NLRP8: variants seen among roughly 807,000 people sequenced by gnomAD.
The protein encoded by NLRP8 is NACHT, LRR and PYD domains-containing protein 8.
In NLRP8, 86 loss-of-function variants were observed where a neutral mutation model predicts 88.7. That is an observed-to-expected ratio of 0.97 (90% CI 0.81 to 1.16). The LOEUF (loss-of-function observed/expected upper bound fraction) is 1.16. NLRP8 is among the 50% of genes most tolerant of loss of function. The probability of loss-of-function intolerance (pLI) is 0.00; values close to 1 mark genes in which losing one functional copy is unlikely to be tolerated. For synonymous variants in NLRP8, 504 were observed against 494.6 expected (o/e 1.02, Z -0.25); for missense variants, 1,342 against 1,286.5 (o/e 1.04, Z -0.66).
chr19:55,960,821 T>A (rs1034540030), intron 3 of NLRP8, among the ~76,000 whole-genome samples: 6 of 152,198 alleles, frequency 3.9e-5, no homozygotes, highest in Middle Eastern at 3.4e-3. Flanking sequence ...GAAGTATTCT[T>A]TGAAAAATAG....
chr19:55,973,440 A>G (rs1162681886), intron 6 of NLRP8, among the ~76,000 whole-genome samples: 1 of 152,128 alleles, frequency 6.6e-6, no homozygotes, highest in Non-Finnish European at 1.5e-5. Context: ...TTTTTAGTCT[A>G]TCAGTTTTAT....
intron 3 of NLRP8, among the ~76,000 whole-genome samples, chr19:55,960,557 A>G (rs1455862185): frequency 6.6e-6 from 1 of 152,164 alleles, no homozygotes; most frequent in Non-Finnish European, 1.5e-5. Context: ...AAGACCTGAC[A>G]TCCGTAGAAA....
chr19:55,983,818 C>CAAAAAAAA (rs56312019), intron 9 of NLRP8, among the ~76,000 whole-genome samples: 5 of 84,654 alleles, frequency 5.9e-5, no homozygotes, highest in East Asian at 3.9e-4. Context: ...CTAGTAGATG[C>CAAAAAAAA]AAAAAAAAAA....
rs1333079029 is a variant in NLRP8, at chr19:55,979,447, T to C, written c.2930T>C (p.Leu977Pro). 6.2e-7 allele frequency: 1 copy of C among 1,614,196 alleles called. No homozygotes were observed. The highest frequency in any genetic ancestry group is 1.3e-5 in the African/African-American group (1 of 75,060). ...TGCTGCCAGGCCATGGCTTCCATGCTCCGCAAAAACCAACATCTGAGACAT... is the reference window on the plus strand; with the variant it reads ...TGCTGCCAGGCCATGGCTTCCATGCCCCGCAAAAACCAACATCTGAGACAT... Residue 977 changes from leucine to proline, a missense_variant, in exon 9 of 10, where the codon CTC becomes CCC. Leu to Pro is a moderately conservative substitution (Grantham distance 98). Transcript: ENST00000291971.
intron 9 of NLRP8, among the ~76,000 whole-genome samples, chr19:55,980,684 G>T (rs371603053): frequency 1.3e-5 from 2 of 152,154 alleles, no homozygotes; most frequent in East Asian, 3.8e-4. Context: ...AGAGGGAGAT[G>T]GTGGCAGAGA....
At position 55,954,568 on chromosome 19, in the gene NLRP8, G is replaced by A. The variant is rs1310688232; in HGVS notation, c.510G>A (p.Trp170Ter). 1.9e-6 allele frequency: 3 copies of A among 1,614,050 alleles called. No homozygotes were observed. The highest frequency in any genetic ancestry group is 2.2e-5 in the South Asian group (2 of 91,088). ...TCCCCATATGGGACATTACGACTTG[G>A]CCTGGAAACCAGAGGGACTTCTTCT... Residue 170 changes from tryptophan (W) to a stop codon, truncating the protein, a stop_gained, in exon 3 of 10, where the codon TGG (tryptophan) becomes TGA (stop). Transcript: ENST00000291971. LOFTEE classifies it high-confidence loss of function.
intron 4 of NLRP8, among the ~76,000 whole-genome samples, chr19:55,962,518 G>C (rs1050896532): frequency 4.6e-5 from 7 of 152,212 alleles, no homozygotes; most frequent in Admixed American, 2.0e-4. Flanking sequence ...TAATAGCTCT[G>C]TGTCCTTAAG....
intron 9 of NLRP8, among the ~76,000 whole-genome samples, 101 bp downstream of exon 10, chr19:55,981,259 A>G (rs1405765917): frequency 1.3e-5 from 2 of 151,898 alleles, no homozygotes; most frequent in African/African-American, 2.4e-5. Flanking sequence ...GAAATTGGGA[A>G]ACAGTTGCCT....
In NLRP8 at chr19:55,988,444, G is replaced by GTGTATATATA. The variant is rs1491285893; in HGVS notation, c.*532_*533insGTATATATAT. The GTGTATATATA allele has an allele frequency of 9.4e-6, 1 of 106,488 alleles. No individual in the cohort carries two copies. The highest frequency in any genetic ancestry group is 1.8e-5 in the Non-Finnish European group (1 of 54,140). The allele number at this position is 106,488 out of a possible 1,614,324, so 6.6% of individuals were successfully genotyped here. A position where few individuals can be genotyped will look rare whatever the true frequency, so the allele number is the denominator to read the frequency against. On this transcript the variant is annotated 3_prime_UTR_variant, in exon 10 of 10. Transcript: ENST00000291971. ...CACATAAATATATATATGTGTGTGTGTATATATATATATATATATATATAT... is the reference window on the plus strand; with the variant it reads ...CACATAAATATATATATGTGTGTGTGTGTATATATATATATATATATATATATATATATAT...
intron 4 of NLRP8, among the ~76,000 whole-genome samples, 157 bp from the exon 5 acceptor site, chr19:55,966,056 C>T (rs1008148830): frequency 2.0e-5 from 3 of 152,144 alleles, no homozygotes; most frequent in Non-Finnish European, 4.4e-5. Flanking sequence ...GTTTGTGTCA[C>T]TCTTTAATGT....
In NLRP8 at chr19:55,951,077, C is replaced by CA. The variant is rs199643504; in HGVS notation, c.368-1453dup. ...TGGGTGACAGAGTGAGACTTAGTCTCAAAAAAAATAAGAATAAAAATAAAA... is the reference window on the plus strand; with the variant it reads ...TGGGTGACAGAGTGAGACTTAGTCTCAAAAAAAAATAAGAATAAAAATAAAA... On this transcript the variant is annotated intron_variant, in intron 1 of 9. Coordinates refer to ENST00000291971, the MANE Select transcript of NLRP8 (RefSeq NM_176811.2). 2.5e-3 allele frequency among the ~76,000 whole-genome samples: 382 copies of CA among 151,306 alleles called. 1 individual carries two copies. Among genetic ancestry groups the CA allele is most frequent in the African/African-American group, 8.7e-3 (357 of 41,260 alleles).
At chr19:55,973,625 A>G (rs781772957) in intron 6 of NLRP8, 27 bp from the exon 7 acceptor site, 5 of 1,564,202 alleles carry the variant, frequency 3.2e-6, no homozygotes, top group Non-Finnish European at 4.3e-6. Flanking sequence ...CTCTCCATTC[A>G]GTCATCTGTG....
intron 7 of NLRP8, 25 bp from the exon 8 acceptor site, chr19:55,976,108 G>T (rs1348692176): frequency 6.4e-7 from 1 of 1,553,764 alleles, no homozygotes; most frequent in Non-Finnish European, 8.7e-7. Flanking sequence ...TGTTGTTGTT[G>T]TTTTTAACCT....
chr19:55,952,381 T>C (rs1979133804), intron 1 of NLRP8, among the ~76,000 whole-genome samples, 157 bp from the exon 2 acceptor site: 2 of 152,196 alleles, frequency 1.3e-5, no homozygotes, highest in Admixed American at 1.3e-4. Context: ...GAGATAGATC[T>C]AGGTGATTTT....
chr19:55,958,998 C>A (rs1310534362), intron 3 of NLRP8, among the ~76,000 whole-genome samples: 1 of 152,026 alleles, frequency 6.6e-6, no homozygotes, highest in African/African-American at 2.4e-5. Context: ...CCTGCCTCAG[C>A]CTCCCGAGTA....
intron 1 of NLRP8, among the ~76,000 whole-genome samples, chr19:55,951,535 T>C (rs1198915496): frequency 1.3e-5 from 2 of 152,242 alleles, no homozygotes; most frequent in Non-Finnish European, 2.9e-5. Flanking sequence ...TACATAGATA[T>C]TAAGCTAGAA....
intron 9 of NLRP8, among the ~76,000 whole-genome samples, chr19:55,982,317 A>G (rs1236630789): frequency 6.6e-6 from 1 of 152,224 alleles, no homozygotes; most frequent in Non-Finnish European, 1.5e-5. Context: ...AAATCAGTAA[A>G]TCAGAGAGAT....
chr19:55,974,352 G>GA (rs1277138950), intron 7 of NLRP8, among the ~76,000 whole-genome samples: 1 of 152,156 alleles, frequency 6.6e-6, no homozygotes, highest in African/African-American at 2.4e-5. Context: ...GCTTATCTGG[G>GA]AGGGAGAGTT....
In NLRP8 at chr19:55,953,321, G is replaced by T. The variant is rs116328839; in HGVS notation, c.442+709G>T. 8.9e-3 allele frequency among the ~76,000 whole-genome samples: 1,353 copies of T among 152,084 alleles called. 28 individuals are homozygous for T. Among genetic ancestry groups the T allele is most frequent in the African/African-American group, 0.031 (1,280 of 41,442 alleles). The stretch of plus-strand genomic sequence containing the variant: ...CAGTGACTCTACATTATACTGAGTT[G>T]TATAATTATTTCATTACATATTATA... On this transcript the variant is annotated intron_variant, in intron 2 of 9. Coordinates refer to ENST00000291971, the MANE Select transcript of NLRP8 (RefSeq NM_176811.2).
Sources: allele counts gnomAD v4.1 joint callset (sites outside exome capture counted in the v4.1 genomes callset), GRCh38; gene constraint gnomAD v4.1.1; transcripts MANE v1.5; gene names NCBI Gene and HGNC (gene_info 2026-07-23, HGNC 2026-07-21).